ATP2B2: variants seen among roughly 807,000 people sequenced by gnomAD.
ATP2B2 encodes plasma membrane calcium-transporting ATPase 2.
ATP2B2 carries 15 observed loss-of-function variants against 120.0 expected under a neutral mutation model. That is an observed-to-expected ratio of 0.12 (90% CI 0.08 to 0.19). The LOEUF is 0.19. Ranked by LOEUF, ATP2B2 falls within the 10% of genes least tolerant of loss-of-function variation. The pLI is 1.00. For synonymous variants in ATP2B2, 694 were observed against 700.3 expected (o/e 0.99, Z 0.14); for missense variants, 1,045 against 1,719.8 (o/e 0.61, Z 6.94).
intron 21 of ATP2B2, among the ~76,000 whole-genome samples, chr3:10,339,926 CTGATTTTTCA>C (rs2060227000): frequency 6.6e-6 from 1 of 152,182 alleles, no homozygotes; most frequent in Non-Finnish European, 1.5e-5. Flanking sequence ...ACAAGTGATA[CTGATTTTTCA>C]GTTGTCTTAG....
intron 2 of ATP2B2, among the ~76,000 whole-genome samples, chr3:10,540,996 C>G (rs960621720): frequency 6.6e-6 from 1 of 151,238 alleles, no homozygotes; most frequent in Non-Finnish European, 1.5e-5. Context: ...TGTGGTAGTT[C>G]GTGTTTTTTG....
At chr3:10,354,653 C>T (rs2060664180) in intron 14 of ATP2B2, among the ~76,000 whole-genome samples, 1 of 152,298 alleles carries the variant, frequency 6.6e-6, no homozygotes. Context: ...CAGTGGGGTG[C>T]TCTGGCAAGG....
At chr3:10,565,511 T>G (rs528424693) in intron 2 of ATP2B2, among the ~76,000 whole-genome samples, 1 of 152,340 alleles carries the variant, frequency 6.6e-6, no homozygotes, top group South Asian at 2.1e-4. Context: ...CCTAGACTAC[T>G]GCAACAGCCT....
intron 3 of ATP2B2, among the ~76,000 whole-genome samples, chr3:10,524,343 A>G (rs901396820): frequency 6.6e-6 from 1 of 152,218 alleles, no homozygotes; most frequent in Non-Finnish European, 1.5e-5. Context: ...ACACCAGGCA[A>G]CTATTTAGTT....
chr3:10,527,056 G>A (rs542547133), intron 3 of ATP2B2, among the ~76,000 whole-genome samples: 2 of 152,300 alleles, frequency 1.3e-5, no homozygotes, highest in South Asian at 4.1e-4. Context: ...CAGCTAAACC[G>A]TTTGCAAACA....
chr3:10,599,003 C>G (rs2068835987), intron 2 of ATP2B2, among the ~76,000 whole-genome samples: 1 of 152,232 alleles, frequency 6.6e-6, no homozygotes, highest in South Asian at 2.1e-4. Flanking sequence ...ACTGCCCCGG[C>G]CCTCTGCCCA....
chr3:10,543,355 C>G (rs2067477962), intron 2 of ATP2B2, among the ~76,000 whole-genome samples: 1 of 152,142 alleles, frequency 6.6e-6, no homozygotes, highest in Admixed American at 6.5e-5. Context: ...AAAGTATCTA[C>G]AATTATCTGA....
In ATP2B2 at chr3:10,375,715, T is replaced by C. The variant is rs1034599236; in HGVS notation, c.1202-71A>G. On this transcript the variant is annotated intron_variant, in intron 10 of 22. Coordinates refer to ENST00000360273, the MANE Select transcript of ATP2B2 (RefSeq NM_001001331.4). This position sits in a 1 kb window ranked among gnomAD's most constrained non-coding sequence, Gnocchi z 4.2. The stretch of plus-strand genomic sequence containing the variant: ...GCTGGGGGTGGTGTGGACCAAATCT[T>C]TGGCTGAAAGAGCTCCGGGTCAGGC... 2 of 1,445,988 alleles carry C rather than the reference T, an allele frequency of 1.4e-6. No individual in the cohort carries two copies. Among genetic ancestry groups the C allele is most frequent in the Non-Finnish European group, 1.9e-6 (2 of 1,040,132 alleles). The allele number at this position is 1,445,988 out of a possible 1,614,324, so 89.6% of individuals were successfully genotyped here.
At chr3:10,484,478 G>T (rs779496530) in intron 1 of ATP2B2, among the ~76,000 whole-genome samples, 12 of 152,156 alleles carry the variant, frequency 7.9e-5, no homozygotes, top group Non-Finnish European at 1.0e-4. Flanking sequence ...GGCCGCGGGG[G>T]TCTCTGTGGC....
At chr3:10,631,470 G>T (rs2069863631) in intron 1 of ATP2B2, among the ~76,000 whole-genome samples, 1 of 152,236 alleles carries the variant, frequency 6.6e-6, no homozygotes, top group African/African-American at 2.4e-5. Context: ...TTGGCAAGTG[G>T]CAGAGCAAGG....
rs535964962 is a variant in ATP2B2, at chr3:10,401,027, A to G, written c.707T>C (p.Ile236Thr). The G allele has an allele frequency of 2.2e-5, 35 of 1,614,192 alleles. No homozygotes were observed. The highest frequency in any genetic ancestry group is 3.3e-5 in the Admixed American group (2 of 60,028). ...CTCTCCAGTTAGGGAGCTTTCATCA[A>G]TCTTGAGGTCATTGCCCTGGATGAA... The part of the protein sequence containing the change: ...GLFIQGNDLK[I>T]DESSLTGESD... Residue 236 changes from isoleucine (I) to threonine (T), a missense_variant, in exon 5 of 23, where the codon ATT (isoleucine) becomes ACT (threonine). Coordinates refer to ENST00000360273, the MANE Select transcript of ATP2B2 (RefSeq NM_001001331.4).
chr3:10,404,560 T>C (rs1376747967), intron 3 of ATP2B2, among the ~76,000 whole-genome samples: 1 of 152,226 alleles, frequency 6.6e-6, no homozygotes, highest in Admixed American at 6.5e-5. Flanking sequence ...AAATGCTCAG[T>C]TAAAGCTGGT....
intron 2 of ATP2B2, among the ~76,000 whole-genome samples, chr3:10,617,385 C>G (rs1559488991): frequency 6.6e-6 from 1 of 152,058 alleles, no homozygotes; most frequent in Non-Finnish European, 1.5e-5. Flanking sequence ...AAAATAAAAC[C>G]CAATCTACCC....
chr3:10,360,384 G>C (rs1000888069), intron 12 of ATP2B2, among the ~76,000 whole-genome samples: 1 of 152,242 alleles, frequency 6.6e-6, no homozygotes, highest in Non-Finnish European at 1.5e-5. Context: ...AGAGAATGAT[G>C]TAACAAAGTT....
At chr3:10,501,900 A>G (rs2066410000) in intron 1 of ATP2B2, among the ~76,000 whole-genome samples, 1 of 152,198 alleles carries the variant, frequency 6.6e-6, no homozygotes, top group South Asian at 2.1e-4. Context: ...AAATGGGTGA[A>G]AACCCAGGGG....
At chr3:10,380,329 G>C (rs2061498220) in intron 8 of ATP2B2, among the ~76,000 whole-genome samples, 3 of 152,022 alleles carry the variant, frequency 2.0e-5, no homozygotes, top group Non-Finnish European at 4.4e-5. Flanking sequence ...AGCTCTGCCT[G>C]CTCTGCCAAC....
At chr3:10,382,197 A>ATTTTTTTTTTTTTTT (rs58615119) in intron 8 of ATP2B2, among the ~76,000 whole-genome samples, 2 of 122,320 alleles carry the variant, frequency 1.6e-5, no homozygotes, top group African/African-American at 3.3e-5. Context: ...AGCTAATTAA[A>ATTTTTTTTTTTTTTT]TTTTTTTTTT....
At chr3:10,611,367 A>G (rs2069233479) in intron 2 of ATP2B2, among the ~76,000 whole-genome samples, 1 of 151,992 alleles carries the variant, frequency 6.6e-6, no homozygotes, top group African/African-American at 2.4e-5. Context: ...GGCTGCGGAG[A>G]GCTTGGGCAG....
chr3:10,568,902 T>C (rs73121371), intron 2 of ATP2B2, among the ~76,000 whole-genome samples: 2,554 of 152,306 alleles, frequency 0.017, 75 homozygotes, highest in African/African-American at 0.058. Flanking sequence ...AATAAAACCC[T>C]ACCAGCCGAC....
Sources: allele counts gnomAD v4.1 joint callset (sites outside exome capture counted in the v4.1 genomes callset), GRCh38; gene constraint gnomAD v4.1.1; non-coding constraint Gnocchi (gnomAD v3.1); transcripts MANE v1.5; gene names NCBI Gene and HGNC (gene_info 2026-07-23, HGNC 2026-07-21).